Variants in HOOK2 observed in about 807,000 individuals in gnomAD.
HOOK2 encodes protein Hook homolog 2.
HOOK2 carries 108 observed loss-of-function variants against 111.9 expected under a neutral mutation model. That is an observed-to-expected ratio of 0.96 (90% CI 0.83 to 1.13). The LOEUF (loss-of-function observed/expected upper bound fraction) is 1.13. Among genes scored for constraint, HOOK2 ranks in the 50% most tolerant of loss-of-function variants. The pLI is 0.00. For missense variants in HOOK2, 978 were observed against 951.3 expected, an observed-to-expected ratio of 1.03 and a Z score of -0.37; for synonymous variants, 405 against 394.3, an observed-to-expected ratio of 1.03 and a Z score of -0.32.
At chr19:12,789,770 G>A (rs1968688271) in intron 3 of HOOK2, among the ~76,000 whole-genome samples, 2 of 151,498 alleles carry the variant, frequency 1.3e-5, no homozygotes. Flanking sequence ...CAGCCCCAAA[G>A]CGGCGGGGTG....
At chr19:12,765,145 G>A in intron 18 of HOOK2, 64 bp from the exon 19 acceptor site, 1 of 1,534,484 alleles carries the variant, frequency 6.5e-7, no homozygotes, top group Non-Finnish European at 9.0e-7. Flanking sequence ...TGTCCCAGTG[G>A]TAGCCACAGA....
At chr19:12,785,298 A>T (rs1968645074) in intron 3 of HOOK2, among the ~76,000 whole-genome samples, 2 of 147,362 alleles carry the variant, frequency 1.4e-5, no homozygotes, top group Non-Finnish European at 3.0e-5. Context: ...CCTCTTTTTC[A>T]CACACACACA....
intron 14 of HOOK2, among the ~76,000 whole-genome samples, chr19:12,767,127 C>A (rs1359445741): frequency 6.6e-6 from 1 of 152,112 alleles, no homozygotes; most frequent in African/African-American, 2.4e-5. Flanking sequence ...TCAAAGTCAG[C>A]GGGGCTAGGG....
chr19:12,763,858 ATTCT>A, intron 20 of HOOK2, 80 bp from the exon 21 acceptor site: 1 of 919,392 alleles, frequency 1.1e-6, no homozygotes, highest in Non-Finnish European at 1.7e-6. Context: ...GTATTCATTC[ATTCT>A]TTCATTCATT....
chr19:12,771,142 T>G lies in HOOK2; in HGVS notation c.761+17A>C. 1 of 1,613,098 alleles carries G rather than the reference T, an allele frequency of 6.2e-7. No individual in the cohort carries two copies. The highest frequency in any genetic ancestry group is 8.5e-7 in the Non-Finnish European group (1 of 1,179,442). On this transcript the variant is annotated intron_variant, in intron 9 of 22. Coordinates refer to ENST00000397668, the MANE Select transcript of HOOK2 (RefSeq NM_013312.3). Reference sequence around the variant, plus strand: ...CGGTCCCCTGGCTTGCCTGGCCCAGTCCCCAGCTGACCACACCTGAAGTTC... The same window carrying G: ...CGGTCCCCTGGCTTGCCTGGCCCAGGCCCCAGCTGACCACACCTGAAGTTC...
rs1261082642 is a variant in HOOK2 at position 12,792,041 on chromosome 19, G to A, written n.42-17816C>T. ...TCGCCTCTTCGGAGCTGGAACGCCT[G>A]ATTGTCCCCAACAGCAACGGCGTGA... is the stretch of plus-strand genomic sequence containing the variant. On this transcript the variant is annotated intron_variant and non_coding_transcript_variant, in intron 3 of 3. Transcript: ENST00000589765. 1.9e-6 allele frequency: 3 copies of A among 1,610,964 alleles called. No homozygotes were observed. The African/African-American group carries it at 4.0e-5, about 22-fold the overall frequency.
In HOOK2 at chr19:12,769,994, C is replaced by T. The variant is rs1055526177; in HGVS notation, c.991G>A (p.Val331Met). The change falls in exon 11 of 23, where the codon GTG becomes ATG. Residue 331 changes from valine (V) to methionine (M), a missense_variant. By Grantham distance (21) the Val-to-Met change is conservative. Around this residue, in one of 5 missense-constraint regions of HOOK2, gnomAD observed 388 missense variants for 358.3 expected, o/e 1.08. Transcript: ENST00000397668. ...LGELRELRRQ[V>M]RQLEERNAGH... ...GCGTTGCGTTCCTCCAGCTGCCGCA[C>T]CTGCCGCCGCAGCTCCCTCAGCTCG... The T allele has an allele frequency of 4.5e-6, 7 of 1,545,666 alleles. 1 individual carries two copies. The highest frequency in any genetic ancestry group is 3.6e-5 in the South Asian group (3 of 84,030).
Position 12,763,132 on chromosome 19 carries a change from C to CCAA in HOOK2, c.*149_*150insTTG. ...AGAACAGGCCTATATCTACCTCCCG[C>CCAA]CCTCCCTCCCCACCAATCTGGGAGA... On this transcript the variant is annotated 3_prime_UTR_variant, in exon 23 of 23. Transcript: ENST00000397668. 4 of 551,306 alleles carry CCAA rather than the reference C, an allele frequency of 7.3e-6. No individual in the cohort carries two copies. The highest frequency in any genetic ancestry group is 4.0e-5 in the East Asian group (1 of 24,922). 34.2% of individuals were successfully genotyped at this position (551,306 alleles called of 1,614,324 possible).
rs749823309 is a variant in HOOK2 at position 12,772,271 on chromosome 19, C to T, written c.457-19G>A. On this transcript the variant is annotated intron_variant, in intron 6 of 22. Transcript: ENST00000397668. ...TCATGAGCTGAGGAGTGGGAAGGGG[C>T]ATTGTAATGAACTGGATATCTGAGG... 9 of 1,612,940 alleles carry T rather than the reference C, an allele frequency of 5.6e-6. No homozygotes were observed. The highest frequency in any genetic ancestry group is 1.3e-5 in the African/African-American group (1 of 74,998).
Position 12,771,098 on chromosome 19 carries a change from T to C in HOOK2, c.762-26A>G, listed in dbSNP as rs200750565. On this transcript the variant is annotated intron_variant, in intron 9 of 22. Transcript: ENST00000397668. ...CTGGGGGTGTTGGGGGAAGAGCACA[T>C]GAGGGGGCTGCCCTCCCCCGGTCCC... 774 of 1,611,682 alleles carry C rather than the reference T, an allele frequency of 4.8e-4. 1 individual carries two copies. The highest frequency in any genetic ancestry group is 1.0e-3 in the Admixed American group (61 of 59,898).
At chr19:12,772,062 TG>T in intron 7 of HOOK2, 127 bp downstream of exon 7, 1 of 734,104 alleles carries the variant, frequency 1.4e-6, no homozygotes, top group East Asian at 2.7e-5. Flanking sequence ...CCTGAGCATC[TG>T]TAAGTGGGGT....
At chr19:12,784,416 G>C (rs1171932105) in intron 3 of HOOK2, 3 of 152,464 alleles carry the variant, frequency 2.0e-5, no homozygotes, top group African/African-American at 7.2e-5. Context: ...CCTCAAGCAA[G>C]AGACACACAC....
intron 11 of HOOK2, among the ~76,000 whole-genome samples, chr19:12,769,184 C>T (rs1049574154): frequency 6.6e-6 from 1 of 151,870 alleles, no homozygotes; most frequent in Non-Finnish European, 1.5e-5. Flanking sequence ...CCAGGATGGT[C>T]TCGATCTCCT....
intron 3 of HOOK2, among the ~76,000 whole-genome samples, chr19:12,787,880 C>T (rs10416997): frequency 0.065 from 9,803 of 151,934 alleles, 543 homozygotes; most frequent in African/African-American, 0.15. Flanking sequence ...TATGGTGAAA[C>T]CCCGTCTGTA....
In HOOK2 at chr19:12,786,632, G is replaced by A. The variant is rs967432081; in HGVS notation, n.42-12407C>T. ...TTCTCCCACCCTCCTCGTGGGGCCG[G>A]CCTGGCGCCAGTGGGGCGGCTTGAG... On this transcript the variant is annotated intron_variant and non_coding_transcript_variant, in intron 3 of 3. Coordinates refer to the HOOK2 transcript ENST00000589765. The surrounding 1 kb of genome is among the most constrained non-coding windows in gnomAD (Gnocchi z 4.3). 6.6e-6 allele frequency among the ~76,000 whole-genome samples: 1 copy of A among 152,198 alleles called. No individual in the cohort carries two copies. The highest frequency in any genetic ancestry group is 6.5e-5 in the Admixed American group (1 of 15,284).
At chr19:12,787,388 T>C (rs1968668180) in intron 3 of HOOK2, among the ~76,000 whole-genome samples, 1 of 152,030 alleles carries the variant, frequency 6.6e-6, no homozygotes, top group Non-Finnish European at 1.5e-5. Context: ...CCCAGCACTT[T>C]GGGAGGCTGA....
At chr19:12,772,465 C>T in intron 6 of HOOK2, 148 bp downstream of exon 6, 1 of 1,012,204 alleles carries the variant, frequency 9.9e-7, no homozygotes, top group Non-Finnish European at 1.5e-6. Flanking sequence ...GAGGAGCTGG[C>T]AGACACATGA....
chr19:12,765,028 TCA>T lies in HOOK2; in HGVS notation c.1692_1693del (p.Glu565GlyfsTer7). On this transcript the variant is annotated frameshift_variant, in exon 19 of 23. Coordinates refer to ENST00000397668, the MANE Select transcript of HOOK2 (RefSeq NM_013312.3). LOFTEE classifies it high-confidence loss of function. ...GCTGTCAGTGGGTGGCTCCAGCTCC[TCA>T]ATGTACTCCCGCTTCCTCTGCAACT... 6.2e-7 allele frequency: 1 copy of T among 1,614,196 alleles called. No individual in the cohort carries two copies. The highest frequency in any genetic ancestry group is 8.5e-7 in the Non-Finnish European group (1 of 1,180,028).
chr19:12,771,348 G>C (rs1402275074), intron 8 of HOOK2, 29 bp from the exon 9 acceptor site: 8 of 1,607,224 alleles, frequency 5.0e-6, no homozygotes, highest in Non-Finnish European at 6.8e-6. Flanking sequence ...GATGAGCTTG[G>C]GCTTGGAGAG....
Sources: gnomAD v4.1 joint callset for allele counts (sites outside exome capture counted in the v4.1 genomes callset) on GRCh38, gnomAD v4.1.1 for gene constraint, gnomAD v4.1.1 regional missense constraint, Gnocchi (gnomAD v3.1) non-coding constraint, MANE v1.5 for transcripts, NCBI Gene and HGNC (gene_info 2026-07-23, HGNC 2026-07-21) for gene names.